The following BNC2 variants were observed in gnomAD, a reference collection of about 807,000 sequenced individuals.
The protein encoded by BNC2 is basonuclin zinc finger protein 2.
BNC2 carries 20 observed loss-of-function variants against 76.3 expected under a neutral mutation model. The ratio of observed to expected loss-of-function variants is 0.26; its 90% CI spans 0.18 to 0.38. The LOEUF (loss-of-function observed/expected upper bound fraction) is 0.38, where lower values mean the gene tolerates loss of function less well. BNC2 is among the 10% of genes least tolerant of loss of function. BNC2 has a pLI of 1.00. For synonymous variants in BNC2, 582 were observed against 514.8 expected, an observed-to-expected ratio of 1.13 and a Z score of -1.77; for missense variants, 1,382 against 1,399.8, an observed-to-expected ratio of 0.99 and a Z score of 0.20.
intron 5 of BNC2, among the ~76,000 whole-genome samples, chr9:16,494,610 G>T (rs372239475): frequency 1.3e-5 from 2 of 152,170 alleles, no homozygotes; most frequent in Non-Finnish European, 2.9e-5. Flanking sequence ...ATTTTTCAGG[G>T]AAAAGGAACA....
At chr9:16,609,185 A>G (rs554555357) in intron 3 of BNC2, among the ~76,000 whole-genome samples, 1 of 152,304 alleles carries the variant, frequency 6.6e-6, no homozygotes, top group Non-Finnish European at 1.5e-5. Flanking sequence ...GAGAGCTTTT[A>G]TAACAAAAGT....
intron 5 of BNC2, among the ~76,000 whole-genome samples, chr9:16,458,627 C>T (rs1484102819): frequency 6.6e-6 from 1 of 152,144 alleles, no homozygotes; most frequent in African/African-American, 2.4e-5. Context: ...TAGAAGTGTA[C>T]AAAAAACATT....
chr9:16,778,888 G>C (rs1826041682), intron 1 of BNC2, among the ~76,000 whole-genome samples: 1 of 152,114 alleles, frequency 6.6e-6, no homozygotes, highest in Non-Finnish European at 1.5e-5. Context: ...AGCCAAGCAG[G>C]TTATGTTAAA....
intron 3 of BNC2, among the ~76,000 whole-genome samples, chr9:16,597,389 C>T (rs576941874): frequency 6.6e-6 from 1 of 152,252 alleles, no homozygotes; most frequent in African/African-American, 2.4e-5. Flanking sequence ...CAAAAACTCC[C>T]AGTTGTACAG....
At chr9:16,712,823 C>T (rs35664757) in intron 3 of BNC2, among the ~76,000 whole-genome samples, 1 of 152,210 alleles carries the variant, frequency 6.6e-6, no homozygotes, top group Non-Finnish European at 1.5e-5. Flanking sequence ...ATTATCATCA[C>T]TGAGCAACAA....
intron 3 of BNC2, among the ~76,000 whole-genome samples, chr9:16,593,375 T>C (rs933551354): frequency 6.6e-6 from 1 of 152,196 alleles, no homozygotes; most frequent in South Asian, 2.1e-4. Context: ...CCATAGTCAT[T>C]ACCTACTATC....
At chr9:16,589,854 G>A (rs182776298) in intron 3 of BNC2, among the ~76,000 whole-genome samples, 1 of 152,094 alleles carries the variant, frequency 6.6e-6, no homozygotes, top group Admixed American at 6.6e-5. Flanking sequence ...TTTCTGGAGA[G>A]TATAGCAAGA....
At chr9:16,605,322 G>A (rs937446350) in intron 3 of BNC2, among the ~76,000 whole-genome samples, 6 of 152,206 alleles carry the variant, frequency 3.9e-5, no homozygotes, top group Admixed American at 6.5e-5. Flanking sequence ...ATCAAGCAGT[G>A]TTCTAAACAC....
chr9:16,470,657 T>C (rs1189395992), intron 5 of BNC2, among the ~76,000 whole-genome samples: 4 of 152,202 alleles, frequency 2.6e-5, no homozygotes, highest in Admixed American at 1.3e-4. Context: ...GGGCTGTGGC[T>C]TCAGAGGGTG....
intron 5 of BNC2, among the ~76,000 whole-genome samples, chr9:16,480,160 G>C (rs1587077122): frequency 3.9e-5 from 6 of 152,166 alleles, no homozygotes; most frequent in Admixed American, 3.9e-4. Flanking sequence ...AGAAACATGG[G>C]GCATAAAGAG....
chr9:16,751,944 G>C (rs941553758), intron 1 of BNC2, among the ~76,000 whole-genome samples: 2 of 151,970 alleles, frequency 1.3e-5, no homozygotes, highest in African/African-American at 4.8e-5. Context: ...CAAAAGAATT[G>C]CTTGAATCCG....
chr9:16,634,213 T>C lies in BNC2; in HGVS notation c.331-51128A>G, dbSNP rs561179565. Among the ~76,000 whole-genome samples, 17 of 152,330 alleles carry C rather than the reference T, an allele frequency of 1.1e-4. No individual in the cohort carries two copies. The East Asian group carries it at 2.9e-3, about 26-fold the overall frequency. ...TAGGTATGCTATAGAAACAGCATCT[T>C]TCTCTTTGCAAATGTCAATGTATTT... is the stretch of plus-strand genomic sequence containing the variant. On this transcript the variant is annotated intron_variant, in intron 3 of 6. Transcript: ENST00000380672.
chr9:16,720,758 T>C (rs1413320764), intron 3 of BNC2, among the ~76,000 whole-genome samples: 1 of 152,210 alleles, frequency 6.6e-6, no homozygotes, highest in Non-Finnish European at 1.5e-5. Flanking sequence ...CCAATTTGAG[T>C]AATGTGTTGT....
Position 16,793,261 on chromosome 9 carries a change from C to T in BNC2, c.4-54776G>A, listed in dbSNP as rs547997627. On this transcript the variant is annotated intron_variant, in intron 1 of 6. Coordinates refer to ENST00000380672, the MANE Select transcript of BNC2 (RefSeq NM_017637.6). ...TTTTTTCTCTTATTATCAATCATAACAATCCAAAGCCGAAATCAGTTACCT... is the reference window on the plus strand; with the variant it reads ...TTTTTTCTCTTATTATCAATCATAATAATCCAAAGCCGAAATCAGTTACCT... Among the ~76,000 whole-genome samples, 5 of 152,262 alleles carry T rather than the reference C, an allele frequency of 3.3e-5. No individual in the cohort carries two copies. In the South Asian group the frequency reaches 6.2e-4, roughly 19 times the overall value.
chr9:16,837,813 T>C (rs942029185), intron 1 of BNC2, among the ~76,000 whole-genome samples: 5 of 152,040 alleles, frequency 3.3e-5, no homozygotes, highest in African/African-American at 7.2e-5. Flanking sequence ...TTTCTATTAC[T>C]ATCAACTCTG....
At chr9:16,757,054 AC>A (rs1825406156) in intron 1 of BNC2, among the ~76,000 whole-genome samples, 2 of 127,616 alleles carry the variant, frequency 1.6e-5, no homozygotes, top group African/African-American at 2.7e-5. Context: ...GCCCTGTACT[AC>A]TTTCCAACAC....
At chr9:16,449,783 A>G (rs1261474202) in intron 5 of BNC2, among the ~76,000 whole-genome samples, 1 of 137,492 alleles carries the variant, frequency 7.3e-6, no homozygotes, top group South Asian at 2.5e-4. Context: ...AATCACAACA[A>G]TGGAAATGGG....
intron 1 of BNC2, among the ~76,000 whole-genome samples, chr9:16,828,538 ACT>A (rs1404147257): frequency 2.6e-5 from 4 of 152,184 alleles, no homozygotes; most frequent in Non-Finnish European, 4.4e-5. Context: ...TGTGAAGTAA[ACT>A]CTGTTGAAAG....
intron 5 of BNC2, among the ~76,000 whole-genome samples, chr9:16,552,199 C>G (rs1818683708): frequency 6.6e-6 from 1 of 152,130 alleles, no homozygotes. Flanking sequence ...ACCCATTACC[C>G]GCCTCAAAGA....
Sources: gnomAD v4.1 joint callset for allele counts (sites outside exome capture counted in the v4.1 genomes callset) on GRCh38, gnomAD v4.1.1 for gene constraint, MANE v1.5 for transcripts, NCBI Gene and HGNC (gene_info 2026-07-23, HGNC 2026-07-21) for gene names.